Variants in SUGCT observed in about 807,000 individuals in gnomAD.
SUGCT encodes the protein succinyl-CoA:glutarate-CoA transferase.
SUGCT carries 41 observed loss-of-function variants against 55.0 expected under a neutral mutation model. The observed-to-expected ratio is 0.74, with a 90% CI of 0.58 to 0.97. The LOEUF (loss-of-function observed/expected upper bound fraction) is 0.97, where lower values mean the gene tolerates loss of function less well. SUGCT is among the 50% of genes least tolerant of loss of function. The pLI is 0.00. For synonymous variants in SUGCT, 187 were observed against 200.4 expected (o/e 0.93, Z 0.56); for missense variants, 568 against 547.8 (o/e 1.04, Z -0.37).
At chr7:40,535,303 G>T (rs1366255151) in intron 12 of SUGCT, among the ~76,000 whole-genome samples, 2 of 152,032 alleles carry the variant, frequency 1.3e-5, no homozygotes, top group Non-Finnish European at 2.9e-5. Flanking sequence ...GTCAACCCTT[G>T]TTCCCCTTCC....
chr7:40,963,220 C>G, the SUGCT span, among the ~76,000 whole-genome samples: 1 of 151,544 alleles, frequency 6.6e-6, no homozygotes, highest in Non-Finnish European at 1.5e-5. Flanking sequence ...GTGAGAGATA[C>G]TTTTGGTGAA....
the SUGCT span, among the ~76,000 whole-genome samples, chr7:40,982,877 AG>A: frequency 3.9e-5 from 6 of 152,032 alleles, no homozygotes; most frequent in Admixed American, 3.9e-4. Context: ...TCAAACTCCA[AG>A]GCTCAAGCAA....
At chr7:40,416,765 A>G (rs1232886919) in intron 9 of SUGCT, among the ~76,000 whole-genome samples, 1 of 152,050 alleles carries the variant, frequency 6.6e-6, no homozygotes, top group East Asian at 1.9e-4. Context: ...TGGCTAGTTT[A>G]AAATTTAAAA....
At chr7:40,480,449 T>G (rs1790965242) in intron 11 of SUGCT, among the ~76,000 whole-genome samples, 1 of 152,162 alleles carries the variant, frequency 6.6e-6, no homozygotes, top group African/African-American at 2.4e-5. Flanking sequence ...AATTGGGAAG[T>G]GAGATGCCGC....
At chr7:40,532,704 G>A (rs1433841666) in intron 12 of SUGCT, among the ~76,000 whole-genome samples, 2 of 151,898 alleles carry the variant, frequency 1.3e-5, no homozygotes, top group Non-Finnish European at 2.9e-5. Context: ...TTTTTCGTTT[G>A]TTTTGTTTTT....
At chr7:40,548,015 A>G (rs1795086681) in intron 12 of SUGCT, among the ~76,000 whole-genome samples, 1 of 151,910 alleles carries the variant, frequency 6.6e-6, no homozygotes, top group Non-Finnish European at 1.5e-5. Context: ...ACTCTTAACT[A>G]TTTTGTCTCC....
chr7:40,624,597 C>G (rs1799426836), intron 12 of SUGCT, among the ~76,000 whole-genome samples: 1 of 152,128 alleles, frequency 6.6e-6, no homozygotes, highest in African/African-American at 2.4e-5. Context: ...TGCTGATAAG[C>G]TGCCTTTTTG....
chr7:40,684,079 C>G, intron 12 of SUGCT: 1 of 1,612,386 alleles, frequency 6.2e-7, no homozygotes, highest in East Asian at 2.2e-5. Context: ...GCTTCCAAAG[C>G]CTGCTGCATT....
At chr7:40,150,406 C>T (rs371391998) in intron 1 of SUGCT, among the ~76,000 whole-genome samples, 15 of 152,176 alleles carry the variant, frequency 9.9e-5, no homozygotes, top group Admixed American at 7.9e-4. Flanking sequence ...CGGTGGCTCA[C>T]GCCTGTAATC....
chr7:40,695,643 G>A (rs897154528), intron 12 of SUGCT, among the ~76,000 whole-genome samples: 1 of 152,108 alleles, frequency 6.6e-6, no homozygotes, highest in Admixed American at 6.6e-5. Context: ...ATTACTGAGA[G>A]CTACAAAGGC....
At chr7:41,002,828 C>T in the SUGCT span, among the ~76,000 whole-genome samples, 1 of 152,210 alleles carries the variant, frequency 6.6e-6, no homozygotes, top group East Asian at 1.9e-4. Flanking sequence ...ATAGGGACAG[C>T]TTGAAAGGGC....
intron 13 of SUGCT, among the ~76,000 whole-genome samples, chr7:40,796,585 A>G (rs981601991): frequency 1.3e-5 from 2 of 152,192 alleles, no homozygotes; most frequent in African/African-American, 4.8e-5. Flanking sequence ...GGCAGCTTCC[A>G]TCATCATTCC....
At position 40,146,444 on chromosome 7, in the gene SUGCT, A is replaced by G. The variant is rs453334; in HGVS notation, c.100+11324A>G. 1.7e-3 allele frequency among the ~76,000 whole-genome samples: 260 copies of G among 152,358 alleles called. 1 individual carries two copies. Among genetic ancestry groups the G allele is most frequent in the Non-Finnish European group, 3.1e-3 (208 of 68,026 alleles). The stretch of plus-strand genomic sequence containing the variant: ...TGTGGAGTGGGAAATTAGGGGTCTC[A>G]CAGCCTTCAGCGCTGAGAGCCTTGA... On this transcript the variant is annotated intron_variant, in intron 1 of 13. Coordinates refer to ENST00000335693, the MANE Select transcript of SUGCT (RefSeq NM_001193313.2).
intron 7 of SUGCT, among the ~76,000 whole-genome samples, chr7:40,249,855 C>T (rs894671121): frequency 6.6e-6 from 1 of 152,104 alleles, no homozygotes; most frequent in African/African-American, 2.4e-5. Flanking sequence ...GGCGCGATCT[C>T]GGCTCACCGC....
the SUGCT span, among the ~76,000 whole-genome samples, chr7:40,928,101 TTTAA>T: frequency 8.9e-3 from 1,359 of 152,148 alleles, 9 homozygotes; most frequent in Non-Finnish European, 0.015. Flanking sequence ...TAGCTGTTGG[TTTAA>T]TTAAATTAAT....
chr7:40,141,105 A>G (rs868127641), intron 1 of SUGCT, among the ~76,000 whole-genome samples: 7 of 151,278 alleles, frequency 4.6e-5, no homozygotes, highest in African/African-American at 1.2e-4. Flanking sequence ...TTTTGTAGCT[A>G]TCATAAATGG....
At chr7:40,959,565 A>G in the SUGCT span, among the ~76,000 whole-genome samples, 8 of 152,332 alleles carry the variant, frequency 5.3e-5, no homozygotes, top group East Asian at 1.4e-3. Flanking sequence ...CTGTGCTGGC[A>G]GCAAGAATTT....
intron 3 of SUGCT, among the ~76,000 whole-genome samples, chr7:40,186,495 G>A (rs779664895): frequency 1.7e-4 from 26 of 152,098 alleles, no homozygotes; most frequent in Non-Finnish European, 3.4e-4. Context: ...CTGGCCTCAA[G>A]TGATCCACCC....
At chr7:40,429,122 GT>G (rs57670997) in intron 9 of SUGCT, among the ~76,000 whole-genome samples, 102,858 of 150,618 alleles carry the variant, frequency 0.68, 35,323 homozygotes, top group East Asian at 0.99. Context: ...CATAATTACC[GT>G]TTTTTTTTTG....
Sources: allele counts gnomAD v4.1 joint callset (sites outside exome capture counted in the v4.1 genomes callset), GRCh38; gene constraint gnomAD v4.1.1; transcripts MANE v1.5; gene names NCBI Gene and HGNC (gene_info 2026-07-23, HGNC 2026-07-21).